Variants in ATXN10 observed in about 807,000 individuals in gnomAD.
ATXN10 encodes ataxin-10.
Under a neutral mutation model 52.9 loss-of-function variants are expected in ATXN10, and 28 were observed. The ratio of observed to expected loss-of-function variants is 0.53; its 90% CI spans 0.39 to 0.73. ATXN10 has a LOEUF of 0.73. Ranked by LOEUF, ATXN10 falls within the 30% of genes least tolerant of loss-of-function variation. ATXN10 has a pLI of 0.00. For synonymous variants in ATXN10, 226 were observed against 221.5 expected, an observed-to-expected ratio of 1.02 and a Z score of -0.18; for missense variants, 565 against 577.0, an observed-to-expected ratio of 0.98 and a Z score of 0.21.
chr22:45,735,125 C>G (rs538538905), intron 7 of ATXN10, among the ~76,000 whole-genome samples: 1 of 151,996 alleles, frequency 6.6e-6, no homozygotes, highest in Admixed American at 6.6e-5. Flanking sequence ...GTGATCCACC[C>G]GCCTCGGGCT....
intron 10 of ATXN10, among the ~76,000 whole-genome samples, chr22:45,827,437 C>T (rs997759952): frequency 6.6e-5 from 10 of 151,934 alleles, no homozygotes; most frequent in Non-Finnish European, 8.8e-5. Flanking sequence ...TCCAAAGACA[C>T]AAATAGGTTG....
chr22:45,753,031 G>A (rs919267008), intron 9 of ATXN10, among the ~76,000 whole-genome samples: 4 of 152,036 alleles, frequency 2.6e-5, no homozygotes, highest in Middle Eastern at 3.2e-3. Flanking sequence ...ACCGTGCCCG[G>A]CTGATCAACT....
At position 45,780,976 on chromosome 22, in the gene ATXN10, C is replaced by T. The variant is rs1927129510; in HGVS notation, c.1174-25983C>T. Reference sequence around the variant, plus strand: ...GGCAAGTTCCCTGGGTTTTCTCAGACTGATTAATGTTAGAGAAGCTGTCAA... The same window carrying T: ...GGCAAGTTCCCTGGGTTTTCTCAGATTGATTAATGTTAGAGAAGCTGTCAA... On this transcript the variant is annotated intron_variant, in intron 9 of 11. Transcript: ENST00000252934. The surrounding 1 kb of genome is among the most constrained non-coding windows in gnomAD (Gnocchi z 4.0). 6.6e-6 allele frequency among the ~76,000 whole-genome samples: 1 copy of T among 152,170 alleles called. No homozygotes were observed. The highest frequency in any genetic ancestry group is 6.5e-5 in the Admixed American group (1 of 15,276).
chr22:45,810,057 T>A (rs376107430), intron 10 of ATXN10, among the ~76,000 whole-genome samples: 7 of 152,124 alleles, frequency 4.6e-5, no homozygotes, highest in African/African-American at 1.7e-4. Flanking sequence ...GTTTTACCTT[T>A]TATATATATA....
Position 45,787,760 on chromosome 22 carries a change from T to C in ATXN10, c.1174-19199T>C, listed in dbSNP as rs1927369894. ...TTTGCATATTTCACAGCCCGCAGTT[T>C]GGAAATACATTTCTGAAAGAAGTTA... is the stretch of plus-strand genomic sequence containing the variant. On this transcript the variant is annotated intron_variant, in intron 9 of 11. Transcript: ENST00000252934. The surrounding 1 kb of genome is among the most constrained non-coding windows in gnomAD (Gnocchi z 4.2). Among the ~76,000 whole-genome samples the C allele has an allele frequency of 6.6e-6, 1 of 152,242 alleles. No individual in the cohort carries two copies. Among genetic ancestry groups the C allele is most frequent in the Non-Finnish European group, 1.5e-5 (1 of 68,040 alleles).
At chr22:45,755,817 G>A (rs932468869) in intron 9 of ATXN10, among the ~76,000 whole-genome samples, 6 of 152,058 alleles carry the variant, frequency 3.9e-5, no homozygotes, top group Non-Finnish European at 8.8e-5. Flanking sequence ...ATATCAGTGC[G>A]TTCATCCTCA....
In ATXN10 at chr22:45,820,590, A is replaced by G. The variant is rs912051428; in HGVS notation, c.1237+13568A>G. Among the ~76,000 whole-genome samples, 7 of 152,222 alleles carry G rather than the reference A, an allele frequency of 4.6e-5. No homozygotes were observed. Among genetic ancestry groups the G allele is most frequent in the African/African-American group, 1.7e-4 (7 of 41,466 alleles). On this transcript the variant is annotated intron_variant, in intron 10 of 11. Coordinates refer to ENST00000252934, the MANE Select transcript of ATXN10 (RefSeq NM_013236.4). This position sits in a 1 kb window ranked among gnomAD's most constrained non-coding sequence, Gnocchi z 4.9. ...GATCCTTGTGGTTTTGTAGATCCAC[A>G]TTATCCCTTCATTGGAGAAAGTATA...
At position 45,780,031 on chromosome 22, in the gene ATXN10, T is replaced by C. The variant is rs1223988537; in HGVS notation, c.1174-26928T>C. Among the ~76,000 whole-genome samples the C allele has an allele frequency of 6.6e-6, 1 of 152,170 alleles. No individual in the cohort carries two copies. Among genetic ancestry groups the C allele is most frequent in the East Asian group, 1.9e-4 (1 of 5,200 alleles). Reference sequence around the variant, plus strand: ...GTTTTTAATATCTAAGTATTCTACATTCGTGAAATTCCAAATAAAAACGCT... The same window carrying C: ...GTTTTTAATATCTAAGTATTCTACACTCGTGAAATTCCAAATAAAAACGCT... On this transcript the variant is annotated intron_variant, in intron 9 of 11. Coordinates refer to ENST00000252934, the MANE Select transcript of ATXN10 (RefSeq NM_013236.4). This position sits in a 1 kb window ranked among gnomAD's most constrained non-coding sequence, Gnocchi z 4.0.
chr22:45,807,521 C>T (rs949706679), intron 10 of ATXN10, among the ~76,000 whole-genome samples: 2 of 152,204 alleles, frequency 1.3e-5, no homozygotes, highest in Admixed American at 6.5e-5. Context: ...TTCTCATCTT[C>T]GGAGGGTTTG....
intron 6 of ATXN10, among the ~76,000 whole-genome samples, chr22:45,725,823 A>G (rs772077609): frequency 6.6e-6 from 1 of 152,082 alleles, no homozygotes; most frequent in Non-Finnish European, 1.5e-5. Context: ...GGCTTTTACT[A>G]TTTTGAGATA....
chr22:45,689,322 G>A, intron 1 of ATXN10: 1 of 285,590 alleles, frequency 3.5e-6, no homozygotes, highest in Non-Finnish European at 6.8e-6. Flanking sequence ...ACTGGAACTG[G>A]GATTTGGGTT....
At chr22:45,745,349 C>T (rs912566266) in intron 9 of ATXN10, among the ~76,000 whole-genome samples, 7 of 152,230 alleles carry the variant, frequency 4.6e-5, no homozygotes, top group East Asian at 3.9e-4. Context: ...ATCTACCTTC[C>T]GCCCGCCAAG....
intron 9 of ATXN10, among the ~76,000 whole-genome samples, chr22:45,801,983 C>G (rs1351301736): frequency 6.6e-6 from 1 of 152,200 alleles, no homozygotes; most frequent in Non-Finnish European, 1.5e-5. Context: ...CAAGGTCACA[C>G]AGCTAACAGG....
intron 5 of ATXN10, among the ~76,000 whole-genome samples, chr22:45,703,202 G>A (rs1238667142): frequency 6.6e-6 from 1 of 152,170 alleles, no homozygotes; most frequent in Non-Finnish European, 1.5e-5. Flanking sequence ...TCAGAGGTTG[G>A]TGCGAGCCTT....
rs558130886 is a variant in ATXN10 at position 45,787,434 on chromosome 22, G to A, written c.1174-19525G>A. 1.8e-3 allele frequency among the ~76,000 whole-genome samples: 273 copies of A among 152,332 alleles called. 1 individual carries two copies. Among genetic ancestry groups the A allele is most frequent in the South Asian group, 3.3e-3 (16 of 4,826 alleles). On this transcript the variant is annotated intron_variant, in intron 9 of 11. Transcript: ENST00000252934. The surrounding 1 kb of genome is among the most constrained non-coding windows in gnomAD (Gnocchi z 4.2). ...TTTCCCTCAAGGCACTAGGGAGACA[G>A]GAGGGCCCAGGAAATGCCGAGTGCC...
In ATXN10 at chr22:45,688,406, T is replaced by C. The variant is rs777082252; in HGVS notation, c.117-1306T>C. 1.3e-5 allele frequency among the ~76,000 whole-genome samples: 2 copies of C among 152,106 alleles called. No homozygotes were observed. Among genetic ancestry groups the C allele is most frequent in the Non-Finnish European group, 2.9e-5 (2 of 68,020 alleles). ...AATTAGGGGTAGTGGAAAAGCCAGA[T>C]AGAAAAAGTAAGGATTCATGTTGTT... On this transcript the variant is annotated intron_variant, in intron 1 of 11. Transcript: ENST00000252934. This position sits in a 1 kb window ranked among gnomAD's most constrained non-coding sequence, Gnocchi z 4.0.
In ATXN10 at chr22:45,757,636, A is replaced by C; in HGVS notation, c.1173+17098A>C. 6.6e-6 allele frequency among the ~76,000 whole-genome samples: 1 copy of C among 152,280 alleles called. No homozygotes were observed. The highest frequency in any genetic ancestry group is 2.1e-4 in the South Asian group (1 of 4,834). ...AAAAAAAAAACATTAGTACAGTATT[A>C]GTAAATATGGATGGGATAAAATTTT... is the stretch of plus-strand genomic sequence containing the variant. On this transcript the variant is annotated intron_variant, in intron 9 of 11. Transcript: ENST00000252934. The surrounding 1 kb of genome is among the most constrained non-coding windows in gnomAD (Gnocchi z 4.6).
intron 6 of ATXN10, among the ~76,000 whole-genome samples, chr22:45,721,285 G>C (rs1365205563): frequency 6.6e-6 from 1 of 152,146 alleles, no homozygotes; most frequent in African/African-American, 2.4e-5. Flanking sequence ...GTGGTAAACA[G>C]CTTGTGTAGT....
At chr22:45,741,427 T>C (rs1925529783) in intron 9 of ATXN10, among the ~76,000 whole-genome samples, 1 of 152,176 alleles carries the variant, frequency 6.6e-6, no homozygotes, top group Non-Finnish European at 1.5e-5. Context: ...ATGTAAGAAG[T>C]ATAGATTCCC....
Sources: gnomAD v4.1 joint callset for allele counts (sites outside exome capture counted in the v4.1 genomes callset) on GRCh38, gnomAD v4.1.1 for gene constraint, Gnocchi (gnomAD v3.1) non-coding constraint, MANE v1.5 for transcripts, NCBI Gene and HGNC (gene_info 2026-07-23, HGNC 2026-07-21) for gene names.